Variants in BCL11A observed in about 807,000 individuals in gnomAD.
BCL11A encodes the protein B cell CLL/lymphoma 11A.
BCL11A carries 2 observed loss-of-function variants against 55.9 expected under a neutral mutation model. The ratio of observed to expected loss-of-function variants is 0.04; its 90% CI spans 0.01 to 0.11. The LOEUF (loss-of-function observed/expected upper bound fraction) is 0.11. Ranked by LOEUF, BCL11A falls within the 10% of genes least tolerant of loss-of-function variation. The pLI is 1.00. For missense variants in BCL11A, 817 were observed against 1,137.1 expected (o/e 0.72, Z 4.05); for synonymous variants, 465 against 473.4 (o/e 0.98, Z 0.23).
Position 60,553,481 on chromosome 2 carries a change from GCAAAA to G in BCL11A, c.-216_-212del. 1.5e-4 allele frequency: 1 copy of G among 6,680 alleles called. No homozygotes were observed. Among genetic ancestry groups the G allele is most frequent in the Non-Finnish European group, 2.4e-4 (1 of 4,164 alleles). The allele number at this position is 6,680 out of a possible 1,614,324, so 0.4% of individuals were successfully genotyped here. A position where few individuals can be genotyped will look rare whatever the true frequency, so the allele number is the denominator to read the frequency against. On this transcript the variant is annotated 5_prime_UTR_variant, in exon 1 of 4. Coordinates refer to ENST00000642384, the MANE Select transcript of BCL11A (RefSeq NM_022893.4). The stretch of plus-strand genomic sequence containing the variant: ...GAGAGCCGTCATGGCTTTTTTTTAA[GCAAAA>G]AAAAAAAAAAAAAAAAAAAAAAAAA...
chr2:60,528,400 C>T (rs1669301490), intron 2 of BCL11A: 1 of 152,434 alleles, frequency 6.6e-6, no homozygotes, highest in Non-Finnish European at 1.5e-5. Flanking sequence ...ATTTCAGGCT[C>T]ATTCTGGACA....
At chr2:60,548,998 C>T (rs1016091867) in intron 1 of BCL11A, among the ~76,000 whole-genome samples, 2 of 152,188 alleles carry the variant, frequency 1.3e-5, no homozygotes, top group African/African-American at 2.4e-5. Flanking sequence ...AATTCAACTC[C>T]ATCCTCCTTC....
At chr2:60,454,906 T>C (rs1471501871), downstream of BCL11A, among the ~76,000 whole-genome samples, 3 of 152,252 alleles carry the variant, frequency 2.0e-5, no homozygotes, top group Non-Finnish European at 4.4e-5. Flanking sequence ...AACAGTTCTA[T>C]ATCTACAGAA....
intron 2 of BCL11A, among the ~76,000 whole-genome samples, chr2:60,480,057 G>A (rs1227325419): frequency 6.6e-6 from 1 of 152,198 alleles, no homozygotes; most frequent in African/African-American, 2.4e-5. Flanking sequence ...GGCTCCTCCG[G>A]TGTGGAGCAA....
In BCL11A at chr2:60,461,052, CT is replaced by C; in HGVS notation, c.1859del (p.Lys620SerfsTer10). 6.2e-7 allele frequency: 1 copy of C among 1,606,314 alleles called. No individual in the cohort carries two copies. On this transcript the variant is annotated frameshift_variant, in exon 4 of 4. Coordinates refer to ENST00000642384, the MANE Select transcript of BCL11A (RefSeq NM_022893.4). LOFTEE classifies it high-confidence loss of function. ...GESASGGLSKKLLLGSPSSLS... is the reference protein window; with the variant it reads ...GESASGGLSKXLLLGSPSSLS... ...GCGAGCTGGGGCTGCCCAGCAGCAG[CT>C]TTTTGGACAGGCCCCCCGAGGCCGA...
At chr2:60,500,132 G>C (rs1004200455) in intron 2 of BCL11A, among the ~76,000 whole-genome samples, 1 of 152,242 alleles carries the variant, frequency 6.6e-6, no homozygotes, top group African/African-American at 2.4e-5. Flanking sequence ...TCAGGGCTTT[G>C]CCCTGGGCAC....
At chr2:60,516,532 A>T (rs2104522659) in intron 2 of BCL11A, among the ~76,000 whole-genome samples, 1 of 152,338 alleles carries the variant, frequency 6.6e-6, no homozygotes, top group East Asian at 1.9e-4. Context: ...AGGAGACAAG[A>T]TCGTAACTCA....
chr2:60,501,015 C>A (rs867411935), intron 2 of BCL11A, among the ~76,000 whole-genome samples: 8 of 152,168 alleles, frequency 5.3e-5, no homozygotes, highest in African/African-American at 1.7e-4. Context: ...ATGGGAGAAC[C>A]CTGAACTGCT....
At chr2:60,510,019 G>A (rs540702587) in intron 2 of BCL11A, among the ~76,000 whole-genome samples, 166 of 152,144 alleles carry the variant, frequency 1.1e-3, no homozygotes, top group African/African-American at 3.6e-3. Context: ...AAATCCTGCC[G>A]GTTTTCCCTT....
At chr2:60,467,846 ATGCTAC>A (rs1253250000) in intron 3 of BCL11A, among the ~76,000 whole-genome samples, 9 of 61,548 alleles carry the variant, frequency 1.5e-4, no homozygotes, top group South Asian at 5.4e-4. Context: ...GGTGGTGGTG[ATGCTAC>A]TGGTGGTGAT....
chr2:60,509,986 T>C (rs1679891637), intron 2 of BCL11A, among the ~76,000 whole-genome samples: 1 of 152,118 alleles, frequency 6.6e-6, no homozygotes, highest in African/African-American at 2.4e-5. Flanking sequence ...CTTCCTTTCA[T>C]ACAACCCATC....
intron 2 of BCL11A, among the ~76,000 whole-genome samples, chr2:60,529,706 G>C (rs1669362568): frequency 6.6e-6 from 1 of 152,182 alleles, no homozygotes; most frequent in South Asian, 2.1e-4. Flanking sequence ...AGGAAATCCT[G>C]CCTCCCTTAT....
intron 2 of BCL11A, chr2:60,484,521 T>G (rs2104227402): frequency 6.6e-6 from 1 of 152,316 alleles, no homozygotes; most frequent in Middle Eastern, 3.4e-3. Flanking sequence ...TGCTTTTCAC[T>G]GAAACAGCAG....
At position 60,458,048 on chromosome 2, in the gene BCL11A, T is replaced by C; in HGVS notation, c.*2356A>G. 1 of 1,031,452 alleles carries C rather than the reference T, an allele frequency of 9.7e-7. No individual in the cohort carries two copies. Among genetic ancestry groups the C allele is most frequent in the Non-Finnish European group, 1.2e-6 (1 of 857,742 alleles). 63.9% of individuals were successfully genotyped at this position (1,031,452 alleles called of 1,614,324 possible). A position where few individuals can be genotyped will look rare whatever the true frequency, so the allele number is the denominator to read the frequency against. On this transcript the variant is annotated 3_prime_UTR_variant, in exon 4 of 4. Coordinates refer to ENST00000642384, the MANE Select transcript of BCL11A (RefSeq NM_022893.4). ...GGCAGCCTGTCTTTTTTTTTTCCAC[T>C]ACCAAAAAAGGTACATTGATACCTT...
At chr2:60,551,817 G>A (rs1007699094) in intron 1 of BCL11A, among the ~76,000 whole-genome samples, 4 of 150,356 alleles carry the variant, frequency 2.7e-5, no homozygotes, top group African/African-American at 4.9e-5. Flanking sequence ...GGGCTGGGGC[G>A]CGGCGAGGTC....
Position 60,460,227 on chromosome 2 carries a change from T to C in BCL11A, c.*177A>G. ...AGAAAAAGAAAAAAAACAGGTGTGC[T>C]GGTGACAAGCACTCTCATATTCTTA... is the stretch of plus-strand genomic sequence containing the variant. On this transcript the variant is annotated 3_prime_UTR_variant, in exon 4 of 4. Coordinates refer to ENST00000642384, the MANE Select transcript of BCL11A (RefSeq NM_022893.4). 4 of 1,318,450 alleles carry C rather than the reference T, an allele frequency of 3.0e-6. No homozygotes were observed. Among genetic ancestry groups the C allele is most frequent in the Non-Finnish European group, 3.9e-6 (4 of 1,036,098 alleles). The allele number at this position is 1,318,450 out of a possible 1,614,324, so 81.7% of individuals were successfully genotyped here.
In BCL11A at chr2:60,459,015, T is replaced by C; in HGVS notation, c.*1389A>G. The C allele has an allele frequency of 9.8e-7, 1 of 1,024,200 alleles. No individual in the cohort carries two copies. The highest frequency in any genetic ancestry group is 1.2e-6 in the Non-Finnish European group (1 of 851,184). 63.4% of individuals were successfully genotyped at this position (1,024,200 alleles called of 1,614,324 possible). A position where few individuals can be genotyped will look rare whatever the true frequency, so the allele number is the denominator to read the frequency against. Reference sequence around the variant, plus strand: ...ATTCTTTCTCTTCTTTTTTTAAGAATGTCACATTTAAATGCAAGTCTTAAG... The same window carrying C: ...ATTCTTTCTCTTCTTTTTTTAAGAACGTCACATTTAAATGCAAGTCTTAAG... On this transcript the variant is annotated 3_prime_UTR_variant, in exon 4 of 4. Coordinates refer to ENST00000642384, the MANE Select transcript of BCL11A (RefSeq NM_022893.4).
chr2:60,510,926 G>A (rs555278431), intron 2 of BCL11A, among the ~76,000 whole-genome samples: 3 of 152,336 alleles, frequency 2.0e-5, no homozygotes, highest in South Asian at 4.1e-4. Flanking sequence ...CCCTTGACAG[G>A]AGCCAGTTAA....
At chr2:60,462,554 C>T in intron 3 of BCL11A, 130 bp from the exon 4 acceptor site, 1 of 1,430,458 alleles carries the variant, frequency 7.0e-7, no homozygotes, top group Admixed American at 3.0e-5. Context: ...CCCTCACTGA[C>T]CTACCCCCTG....
Sources: allele counts gnomAD v4.1 joint callset (sites outside exome capture counted in the v4.1 genomes callset), GRCh38; gene constraint gnomAD v4.1.1; transcripts MANE v1.5; gene names NCBI Gene and HGNC (gene_info 2026-07-23, HGNC 2026-07-21).